Variants in ELSPBP1 observed in about 807,000 individuals in gnomAD.
The protein encoded by ELSPBP1 is epididymal sperm binding protein 1.
A neutral mutation model predicts 33.3 loss-of-function variants in ELSPBP1; 38 were observed. The ratio of observed to expected loss-of-function variants is 1.14; its 90% CI spans 0.88 to 1.50. ELSPBP1 has a LOEUF of 1.50. Ranked by LOEUF, ELSPBP1 falls within the 40% of genes most tolerant of loss-of-function variation. ELSPBP1 has a pLI of 0.00. For missense variants in ELSPBP1, 267 were observed against 263.5 expected (o/e 1.01, Z -0.09); for synonymous variants, 85 against 94.1 (o/e 0.90, Z 0.56).
intron 3 of ELSPBP1, among the ~76,000 whole-genome samples, 172 bp from the exon 4 acceptor site, chr19:48,015,721 G>A (rs529687704): frequency 1.3e-5 from 2 of 152,168 alleles, no homozygotes; most frequent in South Asian, 4.1e-4. Flanking sequence ...AACTTGTGTT[G>A]TTCAAGAATC....
At chr19:48,014,441 T>A (rs752224587) in intron 3 of ELSPBP1, 133 bp downstream of exon 3, 3 of 922,732 alleles carry the variant, frequency 3.3e-6, no homozygotes, top group Non-Finnish European at 4.5e-6. Flanking sequence ...TAGAAAAGGC[T>A]CTGGGTTTTA....
chr19:47,995,077 T>A (rs1479032732), intron 1 of ELSPBP1, among the ~76,000 whole-genome samples: 3 of 152,246 alleles, frequency 2.0e-5, no homozygotes, highest in Admixed American at 2.0e-4. Context: ...TGAGATACTT[T>A]ACATTTTTTC....
At chr19:48,009,457 G>T (rs1352213046) in intron 2 of ELSPBP1, among the ~76,000 whole-genome samples, 1 of 152,082 alleles carries the variant, frequency 6.6e-6, no homozygotes, top group East Asian at 1.9e-4. Flanking sequence ...ACCACTAAAA[G>T]ACTGTAAGGT....
intron 4 of ELSPBP1, among the ~76,000 whole-genome samples, chr19:48,017,960 A>G (rs1439182410): frequency 6.6e-6 from 1 of 151,880 alleles, no homozygotes; most frequent in Non-Finnish European, 1.5e-5. Context: ...ATATAACCTT[A>G]ATATCTAAGC....
intron 1 of ELSPBP1, among the ~76,000 whole-genome samples, chr19:48,006,142 T>C (rs1967015110): frequency 6.6e-6 from 1 of 152,050 alleles, no homozygotes; most frequent in Admixed American, 6.5e-5. Flanking sequence ...TTTATTTTTG[T>C]AGAGATGAGG....
chr19:48,008,593 G>C (rs1046694254), intron 1 of ELSPBP1, 58 bp from the exon 2 acceptor site: 7 of 1,206,654 alleles, frequency 5.8e-6, no homozygotes, highest in Non-Finnish European at 8.5e-6. Flanking sequence ...AAATCTAGGA[G>C]GTAATGGGAA....
chr19:48,007,955 T>G (rs1397253414), intron 1 of ELSPBP1, among the ~76,000 whole-genome samples: 2 of 152,280 alleles, frequency 1.3e-5, no homozygotes, highest in East Asian at 3.9e-4. Context: ...GTGTTTCATT[T>G]TTTTCTTTCC....
chr19:48,004,389 C>T (rs1238410862), intron 1 of ELSPBP1, among the ~76,000 whole-genome samples: 2 of 152,108 alleles, frequency 1.3e-5, no homozygotes, highest in Non-Finnish European at 2.9e-5. Context: ...AACTCCTAAG[C>T]TTAAGCCATC....
intron 1 of ELSPBP1, among the ~76,000 whole-genome samples, chr19:48,004,520 AGTTTCCACGTC>A (rs1172272421): frequency 6.6e-6 from 1 of 152,104 alleles, no homozygotes; most frequent in Non-Finnish European, 1.5e-5. Flanking sequence ...CATCTCAGGC[AGTTTCCACGTC>A]GGCTTCTCCT....
intron 1 of ELSPBP1, among the ~76,000 whole-genome samples, chr19:48,000,509 G>T (rs928603762): frequency 3.3e-5 from 5 of 152,128 alleles, no homozygotes; most frequent in African/African-American, 1.2e-4. Context: ...AAAGTGCCGG[G>T]ATTACATTCA....
At chr19:48,010,121 T>G (rs1320030048) in intron 2 of ELSPBP1, among the ~76,000 whole-genome samples, 1 of 152,176 alleles carries the variant, frequency 6.6e-6, no homozygotes, top group Non-Finnish European at 1.5e-5. Flanking sequence ...GCAGTGCATT[T>G]GGGAGGAAAG....
At chr19:48,023,868 T>TTTTA (rs1215264460) in intron 6 of ELSPBP1, among the ~76,000 whole-genome samples, 1 of 151,810 alleles carries the variant, frequency 6.6e-6, no homozygotes, top group East Asian at 1.9e-4. Flanking sequence ...TTTTTCTTTA[T>TTTTA]TTTATTTATT....
At chr19:48,016,456 T>TTTTTTTTC (rs1967134377) in intron 4 of ELSPBP1, among the ~76,000 whole-genome samples, 2 of 100,184 alleles carry the variant, frequency 2.0e-5, no homozygotes, top group Admixed American at 1.0e-4. Flanking sequence ...TTTCTCTTTC[T>TTTTTTTTC]TTTCTTTCCT....
intron 1 of ELSPBP1, among the ~76,000 whole-genome samples, chr19:48,005,638 G>A (rs1967010143): frequency 2.0e-5 from 3 of 152,302 alleles, no homozygotes; most frequent in South Asian, 2.1e-4. Flanking sequence ...GCTCTCAGAA[G>A]TGAAACAATA....
chr19:47,999,854 G>A (rs1446108366), intron 1 of ELSPBP1, among the ~76,000 whole-genome samples: 4 of 147,974 alleles, frequency 2.7e-5, no homozygotes, highest in Non-Finnish European at 5.9e-5. Context: ...ATGGGGTCTC[G>A]CTCTGTCATT....
Position 47,996,917 on chromosome 19 carries a change from G to A in ELSPBP1, c.-18+2106G>A, listed in dbSNP as rs147796243. Reference sequence around the variant, plus strand: ...ATCATCATCATCGTCATCATTAATGGCCAACATTTATTGTGAGTTATCTCT... The same window carrying A: ...ATCATCATCATCGTCATCATTAATGACCAACATTTATTGTGAGTTATCTCT... On this transcript the variant is annotated intron_variant, in intron 1 of 6. Transcript: ENST00000339841. Among the ~76,000 whole-genome samples, 10 of 152,214 alleles carry A rather than the reference G, an allele frequency of 6.6e-5. 1 individual carries two copies. The highest frequency in any genetic ancestry group is 5.2e-4 in the Admixed American group (8 of 15,286).
chr19:47,995,678 T>C (rs1966905773), intron 1 of ELSPBP1, among the ~76,000 whole-genome samples: 1 of 152,210 alleles, frequency 6.6e-6, no homozygotes, highest in South Asian at 2.1e-4. Context: ...ACTCATTATT[T>C]TGAAGGTACA....
chr19:47,998,610 C>T (rs965516849), intron 1 of ELSPBP1, among the ~76,000 whole-genome samples: 3 of 151,718 alleles, frequency 2.0e-5, no homozygotes, highest in Non-Finnish European at 4.4e-5. Flanking sequence ...CACAGTGAAA[C>T]CCCGTCTTTA....
At chr19:48,012,948 G>A (rs189945480) in intron 2 of ELSPBP1, among the ~76,000 whole-genome samples, 19 of 152,146 alleles carry the variant, frequency 1.2e-4, no homozygotes, top group Admixed American at 3.9e-4. Flanking sequence ...CTAGACTATC[G>A]TCCGAATAAA....
Sources: gnomAD v4.1 joint callset for allele counts (sites outside exome capture counted in the v4.1 genomes callset) on GRCh38, gnomAD v4.1.1 for gene constraint, MANE v1.5 for transcripts, NCBI Gene and HGNC (gene_info 2026-07-23, HGNC 2026-07-21) for gene names.